KASH5: variants seen among roughly 807,000 people sequenced by gnomAD.
KASH5 encodes protein KASH5.
KASH5 carries 72 observed loss-of-function variants against 84.2 expected under a neutral mutation model. The ratio of observed to expected loss-of-function variants is 0.85; its 90% CI spans 0.71 to 1.04. The LOEUF (loss-of-function observed/expected upper bound fraction) is 1.04, where lower values mean the gene tolerates loss of function less well. KASH5 is among the 50% of genes least tolerant of loss of function. The pLI, the probability that KASH5 is intolerant of heterozygous loss-of-function variation, is 0.00. For missense variants in KASH5, 650 were observed against 701.0 expected, an observed-to-expected ratio of 0.93 and a Z score of 0.82; for synonymous variants, 260 against 279.1, an observed-to-expected ratio of 0.93 and a Z score of 0.68.
At chr19:49,403,435 G>A (rs1003055487) in intron 9 of KASH5, among the ~76,000 whole-genome samples, 8 of 152,084 alleles carry the variant, frequency 5.3e-5, no homozygotes, top group African/African-American at 1.9e-4. Flanking sequence ...TTCATCAGAA[G>A]CCTCTCACCC....
At position 49,417,087 on chromosome 19, in the gene KASH5, G is replaced by T. The variant is rs1452070893; in HGVS notation, c.1439+8G>T. On this transcript the variant is annotated splice_region_variant and intron_variant, in intron 18 of 19. Coordinates refer to ENST00000447857, the MANE Select transcript of KASH5 (RefSeq NM_144688.5). The surrounding 1 kb of genome is among the most constrained non-coding windows in gnomAD (Gnocchi z 5.2). Reference sequence around the variant, plus strand: ...AGAAAACCCTCCAGAGAGGTAATAGGACCCACAGGGTCCAGGAGGGACACT... The same window carrying T: ...AGAAAACCCTCCAGAGAGGTAATAGTACCCACAGGGTCCAGGAGGGACACT... 1 of 1,601,600 alleles carries T rather than the reference G, an allele frequency of 6.2e-7. No homozygotes were observed. The highest frequency in any genetic ancestry group is 2.3e-5 in the East Asian group (1 of 44,370).
Position 49,417,261 on chromosome 19 carries a change from G to T in KASH5, c.1542G>T (p.Arg514=), listed in dbSNP as rs1257135096. The change falls in exon 19 of 20, where the codon CGG becomes CGT. Residue 514 remains arginine (R), a synonymous_variant. Coordinates refer to ENST00000447857, the MANE Select transcript of KASH5 (RefSeq NM_144688.5). The surrounding 1 kb of genome is among the most constrained non-coding windows in gnomAD (Gnocchi z 5.2). ...GCCAGCTCTGCCTGCCCCCACAGCG[G>T]CTCAGGTGTGCCCCCAGGCGTCTCC... ...AWGQLCLPPQ[R]LRVTRHPLIP... is the part of the protein sequence containing the mutation. 1 of 1,612,026 alleles carries T rather than the reference G, an allele frequency of 6.2e-7. No homozygotes were observed. Among genetic ancestry groups the T allele is most frequent in the Non-Finnish European group, 8.5e-7 (1 of 1,179,120 alleles).
At chr19:49,403,898 T>C (rs1974444990) in intron 9 of KASH5, among the ~76,000 whole-genome samples, 1 of 152,200 alleles carries the variant, frequency 6.6e-6, no homozygotes. Flanking sequence ...AGAGCATCTA[T>C]AGATTGAGTT....
chr19:49,415,124 T>A, intron 17 of KASH5, 128 bp downstream of exon 17: 1 of 934,940 alleles, frequency 1.1e-6, no homozygotes, highest in African/African-American at 1.6e-5. Flanking sequence ...AAAAATCATT[T>A]GGCCAAGAGA....
At chr19:49,415,948 C>A (rs981188498) in intron 17 of KASH5, among the ~76,000 whole-genome samples, 1 of 152,116 alleles carries the variant, frequency 6.6e-6, no homozygotes, top group Admixed American at 6.5e-5. Flanking sequence ...GCCAAAGACC[C>A]ATAGAGGGGA....
intron 12 of KASH5, 79 bp from the exon 13 acceptor site, chr19:49,408,888 C>A: frequency 6.8e-7 from 1 of 1,464,972 alleles, no homozygotes; most frequent in Non-Finnish European, 9.3e-7. Context: ...GGAAAGAACC[C>A]TGGAAGAGGA....
chr19:49,399,025 C>T lies in KASH5; in HGVS notation c.630C>T (p.Ser210=), dbSNP rs930524076. The T allele has an allele frequency of 1.6e-5, 25 of 1,550,998 alleles. No individual in the cohort carries two copies. The Admixed American group carries it at 4.7e-4, about 29-fold the overall frequency. ...CTCATCTGCCCCCACCCGCATTCAG[C>T]ACCCAGCAGGCCCTGCAGTTTGCCA... ...EILALRKQLH[S]TQQALQFAKA... The change falls in exon 8 of 20, where the codon AGC becomes AGT. Residue 210 remains serine, a splice_region_variant and synonymous_variant. Coordinates refer to ENST00000447857, the MANE Select transcript of KASH5 (RefSeq NM_144688.5). This position sits in a 1 kb window ranked among gnomAD's most constrained non-coding sequence, Gnocchi z 4.4.
At chr19:49,406,264 T>C (rs933105371) in intron 9 of KASH5, among the ~76,000 whole-genome samples, 1 of 152,098 alleles carries the variant, frequency 6.6e-6, no homozygotes, top group African/African-American at 2.4e-5. Context: ...ATTTTAAAAT[T>C]GGGGATAAGA....
At chr19:49,415,069 T>C (rs1477685786) in intron 17 of KASH5, 73 bp downstream of exon 17, 2 of 1,420,332 alleles carry the variant, frequency 1.4e-6, no homozygotes, top group African/African-American at 1.4e-5. Flanking sequence ...GTTTCAACTC[T>C]TCCCAAGCCC....
chr19:49,412,506 G>C lies in KASH5; in HGVS notation c.1270-462G>C. 6.6e-6 allele frequency among the ~76,000 whole-genome samples: 1 copy of C among 152,194 alleles called. No individual in the cohort carries two copies. The highest frequency in any genetic ancestry group is 1.9e-4 in the East Asian group (1 of 5,194). On this transcript the variant is annotated intron_variant, in intron 15 of 19. Coordinates refer to ENST00000447857, the MANE Select transcript of KASH5 (RefSeq NM_144688.5). The surrounding 1 kb of genome is among the most constrained non-coding windows in gnomAD (Gnocchi z 4.6). ...ATGGCAAGTTGGTTGCTGAGGTCAA[G>C]GGCAATGCCAATATGTCTCTGGAGA...
intron 2 of KASH5, among the ~76,000 whole-genome samples, chr19:49,391,178 T>TG (rs1434163528): frequency 5.3e-5 from 8 of 152,182 alleles, no homozygotes; most frequent in Non-Finnish European, 1.2e-4. Context: ...CCGCACCCCT[T>TG]ACTCCATTCA....
Position 49,412,957 on chromosome 19 carries a change from T to G in KASH5, c.1270-11T>G. ...AGAATCAGAGAAGAACTAACCTTTT[T>G]GTTTCCACAGAGAAACTTCCAGGGA... is the stretch of plus-strand genomic sequence containing the variant. On this transcript the variant is annotated splice_polypyrimidine_tract_variant and intron_variant, in intron 15 of 19. Transcript: ENST00000447857. The surrounding 1 kb of genome is among the most constrained non-coding windows in gnomAD (Gnocchi z 4.6). 1 of 1,613,682 alleles carries G rather than the reference T, an allele frequency of 6.2e-7. No homozygotes were observed. Among genetic ancestry groups the G allele is most frequent in the East Asian group, 2.2e-5 (1 of 44,884 alleles).
chr19:49,407,102 C>A (rs886371195), intron 10 of KASH5, 138 bp from the exon 11 acceptor site: 2 of 1,293,350 alleles, frequency 1.5e-6, no homozygotes, highest in East Asian at 2.5e-5. Flanking sequence ...CCAGGCATCC[C>A]TAAAATCCCT....
Position 49,399,764 on chromosome 19 carries a change from G to A in KASH5, c.798+257G>A, listed in dbSNP as rs1169967735. On this transcript the variant is annotated intron_variant, in intron 9 of 19. Coordinates refer to ENST00000447857, the MANE Select transcript of KASH5 (RefSeq NM_144688.5). This position sits in a 1 kb window ranked among gnomAD's most constrained non-coding sequence, Gnocchi z 4.4. ...GAGTGGACCAGTGCCTCCCTTCTCT[G>A]TGCCTCAGTTGCCTCACCTATAAAG... 3.1e-6 allele frequency: 3 copies of A among 959,540 alleles called. No homozygotes were observed. Among genetic ancestry groups the A allele is most frequent in the Admixed American group, 6.0e-5 (2 of 33,188 alleles). The allele number at this position is 959,540 out of a possible 1,614,324, so 59.4% of individuals were successfully genotyped here.
At chr19:49,394,681 C>T in intron 3 of KASH5, 101 bp downstream of exon 3, 1 of 868,074 alleles carries the variant, frequency 1.2e-6, no homozygotes, top group South Asian at 1.4e-5. Flanking sequence ...AAGGCCCCCT[C>T]TTGGGGGTAT....
In KASH5 at chr19:49,417,617, A is replaced by G. The variant is rs143367645; in HGVS notation, c.*107A>G. 6 of 1,362,294 alleles carry G rather than the reference A, an allele frequency of 4.4e-6. No individual in the cohort carries two copies. The African/African-American group carries it at 7.3e-5, about 17-fold the overall frequency. 84.4% of individuals were successfully genotyped at this position (1,362,294 alleles called of 1,614,324 possible). On this transcript the variant is annotated 3_prime_UTR_variant, in exon 20 of 20. Coordinates refer to ENST00000447857, the MANE Select transcript of KASH5 (RefSeq NM_144688.5). The surrounding 1 kb of genome is among the most constrained non-coding windows in gnomAD (Gnocchi z 5.2). ...CCACTGTTGCGCAGGCTTACCCTAG[A>G]TAGAGTACAGGGGATCCACATCCCT...
At position 49,407,309 on chromosome 19, in the gene KASH5, G is replaced by A. The variant is rs755590313; in HGVS notation, c.933+13G>A. Reference sequence around the variant, plus strand: ...CATCCTCTCTGAGGTAAGGGGCCCCGGGAGGGAAAGAGATTCGCTTTCCAT... The same window carrying A: ...CATCCTCTCTGAGGTAAGGGGCCCCAGGAGGGAAAGAGATTCGCTTTCCAT... On this transcript the variant is annotated intron_variant, in intron 11 of 19. Coordinates refer to ENST00000447857, the MANE Select transcript of KASH5 (RefSeq NM_144688.5). 21 of 1,613,406 alleles carry A rather than the reference G, an allele frequency of 1.3e-5. No homozygotes were observed. The highest frequency in any genetic ancestry group is 5.5e-5 in the South Asian group (5 of 91,042).
Position 49,390,804 on chromosome 19 carries a change from C to G in KASH5, c.-80C>G. ...CTCCTTCCAGGAGTGCTCGGGCCAGCTGGTCCTTTTCCCATCCCTCCCCAT... is the reference window on the plus strand; with the variant it reads ...CTCCTTCCAGGAGTGCTCGGGCCAGGTGGTCCTTTTCCCATCCCTCCCCAT... On this transcript the variant is annotated 5_prime_UTR_variant, in exon 2 of 20. Coordinates refer to ENST00000447857, the MANE Select transcript of KASH5 (RefSeq NM_144688.5). The G allele has an allele frequency of 6.8e-7, 1 of 1,474,740 alleles. No individual in the cohort carries two copies. Among genetic ancestry groups the G allele is most frequent in the African/African-American group, 1.4e-5 (1 of 70,182 alleles). The allele number at this position is 1,474,740 out of a possible 1,614,324, so 91.4% of individuals were successfully genotyped here. A position where few individuals can be genotyped will look rare whatever the true frequency, so the allele number is the denominator to read the frequency against.
intron 14 of KASH5, 72 bp downstream of exon 14, chr19:49,409,355 C>A: frequency 6.8e-7 from 1 of 1,471,996 alleles, no homozygotes; most frequent in Non-Finnish European, 9.3e-7. Context: ...CTACTCTGAT[C>A]CTCACACCAG....
Sources: gnomAD v4.1 joint callset for allele counts (sites outside exome capture counted in the v4.1 genomes callset) on GRCh38, gnomAD v4.1.1 for gene constraint, Gnocchi (gnomAD v3.1) non-coding constraint, MANE v1.5 for transcripts, NCBI Gene and HGNC (gene_info 2026-07-23, HGNC 2026-07-21) for gene names.